Variants in LIN7A observed in about 807,000 individuals in gnomAD.
LIN7A encodes the protein lin-7 cell polarity scaffold A, also known as protein lin-7 homolog A.
In LIN7A, 25 loss-of-function variants were observed where a neutral mutation model predicts 29.8. That is an observed-to-expected ratio of 0.84 (90% CI 0.61 to 1.17). The LOEUF is 1.17. LIN7A is among the 50% of genes most tolerant of loss of function. The pLI is 0.00. For missense variants in LIN7A, 239 were observed against 287.0 expected (o/e 0.83, Z 1.21); for synonymous variants, 118 against 107.5 (o/e 1.10, Z -0.60).
chr12:80,883,823 T>G (rs138484760), intron 2 of LIN7A, among the ~76,000 whole-genome samples: 1 of 152,212 alleles, frequency 6.6e-6, no homozygotes, highest in East Asian at 1.9e-4. Flanking sequence ...CACTACTCTA[T>G]GAACTTAGCT....
At chr12:80,876,203 C>A (rs1444725251) in intron 2 of LIN7A, among the ~76,000 whole-genome samples, 2 of 151,918 alleles carry the variant, frequency 1.3e-5, no homozygotes, top group African/African-American at 4.8e-5. Flanking sequence ...CTATGTGCCA[C>A]CCCTGTTCCC....
chr12:80,811,173 A>C (rs1233476185), intron 5 of LIN7A, among the ~76,000 whole-genome samples: 1 of 152,174 alleles, frequency 6.6e-6, no homozygotes, highest in African/African-American at 2.4e-5. Flanking sequence ...GTATAAAAGC[A>C]TCCTAGAGCC....
intron 2 of LIN7A, among the ~76,000 whole-genome samples, chr12:80,883,511 A>G (rs1451994151): frequency 6.6e-6 from 1 of 152,130 alleles, no homozygotes; most frequent in Non-Finnish European, 1.5e-5. Flanking sequence ...GTTTTCTTCG[A>G]TTCAGCTTAT....
At position 80,811,556 on chromosome 12, in the gene LIN7A, C is replaced by T. The variant is rs772890581; in HGVS notation, c.611G>A (p.Arg204Gln). The T allele has an allele frequency of 6.2e-6, 10 of 1,613,600 alleles. No individual in the cohort carries two copies. The highest frequency in any genetic ancestry group is 7.6e-6 in the Non-Finnish European group (9 of 1,179,832). Residue 204 changes from arginine (R) to glutamine (Q), a missense_variant, in exon 5 of 6, where the codon CGA (arginine) becomes CAA (glutamine). Transcript: ENST00000552864. The stretch of plus-strand genomic sequence containing the variant: ...CTGCTGCTGCCGACGCCTGGCTGTT[C>T]GTAGCTTTTCAAAGCGAGCCTCCAT... Reference protein sequence around the residue: ...EEMEARFEKLRTARRRQQQQL... With the variant: ...EEMEARFEKLQTARRRQQQQL...
chr12:80,923,598 G>A (rs1877427607), intron 1 of LIN7A, among the ~76,000 whole-genome samples: 1 of 152,008 alleles, frequency 6.6e-6, no homozygotes, highest in African/African-American at 2.4e-5. Context: ...CCTTTTGTAA[G>A]CATTGTACAA....
intron 1 of LIN7A, among the ~76,000 whole-genome samples, chr12:80,904,773 G>C (rs1366393028): frequency 6.6e-6 from 1 of 152,052 alleles, no homozygotes; most frequent in Non-Finnish European, 1.5e-5. Context: ...GAGATGTCTT[G>C]GGGGTGGAAC....
intron 2 of LIN7A, among the ~76,000 whole-genome samples, chr12:80,849,132 GA>G (rs1025983500): frequency 1.3e-4 from 20 of 152,260 alleles, no homozygotes; most frequent in Admixed American, 6.5e-4. Context: ...GTGCAATTCA[GA>G]ATCTAACTTT....
intron 2 of LIN7A, among the ~76,000 whole-genome samples, chr12:80,881,254 G>A (rs932395756): frequency 4.6e-5 from 7 of 152,236 alleles, no homozygotes; most frequent in African/African-American, 1.2e-4. Context: ...TATCACACAA[G>A]AAACAGTCTG....
At chr12:80,850,102 T>C (rs1041550041) in intron 2 of LIN7A, among the ~76,000 whole-genome samples, 13 of 152,154 alleles carry the variant, frequency 8.5e-5, no homozygotes, top group African/African-American at 2.4e-4. Context: ...AAATTAAGAA[T>C]AATTAGCCTT....
chr12:80,847,023 C>T (rs993476662), intron 3 of LIN7A, among the ~76,000 whole-genome samples: 1 of 152,202 alleles, frequency 6.6e-6, no homozygotes, highest in African/African-American at 2.4e-5. Context: ...CATTATGCTA[C>T]TGTCTGCATT....
chr12:80,881,687 C>T (rs536615048), intron 2 of LIN7A, among the ~76,000 whole-genome samples: 1 of 152,080 alleles, frequency 6.6e-6, no homozygotes, highest in East Asian at 1.9e-4. Flanking sequence ...ACTTAACCTA[C>T]AACATAAAGT....
At chr12:80,911,735 T>C (rs527479628) in intron 1 of LIN7A, among the ~76,000 whole-genome samples, 6 of 152,180 alleles carry the variant, frequency 3.9e-5, no homozygotes, top group Non-Finnish European at 5.9e-5. Flanking sequence ...ATTCTTCCAT[T>C]TGAGAGAAGA....
At chr12:80,924,564 T>C (rs1308927733) in intron 1 of LIN7A, among the ~76,000 whole-genome samples, 3 of 152,108 alleles carry the variant, frequency 2.0e-5, no homozygotes, top group Non-Finnish European at 4.4e-5. Flanking sequence ...ACAGAAAGGA[T>C]AGTAGCAGGT....
chr12:80,811,174 T>C (rs549755340), intron 5 of LIN7A, among the ~76,000 whole-genome samples: 88 of 152,174 alleles, frequency 5.8e-4, no homozygotes, highest in Non-Finnish European at 7.1e-4. Context: ...TATAAAAGCA[T>C]CCTAGAGCCT....
At chr12:80,812,705 C>T (rs1871349114) in intron 4 of LIN7A, among the ~76,000 whole-genome samples, 1 of 151,942 alleles carries the variant, frequency 6.6e-6, no homozygotes, top group Non-Finnish European at 1.5e-5. Flanking sequence ...GTGTGCAACA[C>T]CACGCCCGGC....
At chr12:80,805,544 G>T (rs1362653965) in intron 5 of LIN7A, among the ~76,000 whole-genome samples, 1 of 152,086 alleles carries the variant, frequency 6.6e-6, no homozygotes. Flanking sequence ...TCAGGGACAC[G>T]ATTTTGGTCT....
chr12:80,926,118 C>T (rs2120915843), intron 1 of LIN7A, among the ~76,000 whole-genome samples: 1 of 152,214 alleles, frequency 6.6e-6, no homozygotes, highest in African/African-American at 2.4e-5. Flanking sequence ...CAGTTGTATT[C>T]CACTGTTAAC....
intron 4 of LIN7A, among the ~76,000 whole-genome samples, chr12:80,823,413 G>A (rs144345162): frequency 1.3e-5 from 2 of 152,362 alleles, no homozygotes; most frequent in Non-Finnish European, 2.9e-5. Flanking sequence ...AGGCATGGAA[G>A]CTGTTTGTGG....
chr12:80,843,826 C>T (rs1049008272), intron 4 of LIN7A, among the ~76,000 whole-genome samples: 4 of 151,994 alleles, frequency 2.6e-5, no homozygotes, highest in African/African-American at 9.7e-5. Flanking sequence ...AAGGTAACTG[C>T]CGCCTCCCAG....
Sources: gnomAD v4.1 joint callset for allele counts (sites outside exome capture counted in the v4.1 genomes callset) on GRCh38, gnomAD v4.1.1 for gene constraint, MANE v1.5 for transcripts, NCBI Gene and HGNC (gene_info 2026-07-23, HGNC 2026-07-21) for gene names.